The following COX7B2 variants were observed in gnomAD, a reference collection of about 807,000 sequenced individuals.
COX7B2 encodes cytochrome c oxidase subunit 7B2, mitochondrial.
For missense variants in COX7B2, 109 were observed against 95.9 expected (o/e 1.14, Z -0.57); for synonymous variants, 37 against 32.1 (o/e 1.15, Z -0.51).
intron 2 of COX7B2, among the ~76,000 whole-genome samples, chr4:46,781,211 G>T (rs914124461): frequency 6.6e-6 from 1 of 152,150 alleles, no homozygotes. Context: ...AGCTACTACA[G>T]TTCTGCTCTG....
chr4:46,786,297 T>G (rs1172398178), intron 2 of COX7B2, among the ~76,000 whole-genome samples: 1 of 152,226 alleles, frequency 6.6e-6, no homozygotes, highest in Non-Finnish European at 1.5e-5. Context: ...GATACTCATG[T>G]ACCTATGTAG....
chr4:46,835,389 G>GA (rs150742762), intron 2 of COX7B2, among the ~76,000 whole-genome samples: 119 of 147,848 alleles, frequency 8.0e-4, no homozygotes, highest in African/African-American at 2.3e-3. Context: ...TTTAAAATCA[G>GA]AAAAAAAAAA....
intron 2 of COX7B2, among the ~76,000 whole-genome samples, chr4:46,816,049 G>A (rs138688637): frequency 6.6e-6 from 1 of 152,080 alleles, no homozygotes; most frequent in South Asian, 2.1e-4. Flanking sequence ...CTCACCAATG[G>A]TGGCCACTCT....
intron 2 of COX7B2, among the ~76,000 whole-genome samples, chr4:46,740,014 T>C (rs1232744748): frequency 6.6e-6 from 1 of 152,118 alleles, no homozygotes; most frequent in Non-Finnish European, 1.5e-5. Flanking sequence ...AATTCATTTT[T>C]AATTTTTTAT....
At chr4:46,775,545 G>A (rs1411128518) in intron 2 of COX7B2, among the ~76,000 whole-genome samples, 1 of 151,932 alleles carries the variant, frequency 6.6e-6, no homozygotes, top group Admixed American at 6.6e-5. Flanking sequence ...GTCTAATTGG[G>A]TCATACCGCA....
chr4:46,752,910 A>G (rs1445513304), intron 2 of COX7B2, among the ~76,000 whole-genome samples: 2 of 152,160 alleles, frequency 1.3e-5, no homozygotes, highest in African/African-American at 4.8e-5. Flanking sequence ...AGGCTTTGGT[A>G]TCAGGATGAT....
At chr4:46,782,558 G>C (rs953518278) in intron 2 of COX7B2, among the ~76,000 whole-genome samples, 3 of 152,178 alleles carry the variant, frequency 2.0e-5, no homozygotes, top group Non-Finnish European at 2.9e-5. Context: ...CTGCCCAAGC[G>C]AGCAGCAGCA....
chr4:46,802,641 T>TCAA (rs1718718692), intron 2 of COX7B2, among the ~76,000 whole-genome samples: 1 of 152,172 alleles, frequency 6.6e-6, no homozygotes. Context: ...GAGGGGTACC[T>TCAA]AGTTTGAATC....
chr4:46,795,069 G>C (rs1718253316), intron 2 of COX7B2, among the ~76,000 whole-genome samples: 1 of 138,560 alleles, frequency 7.2e-6, no homozygotes, highest in Non-Finnish European at 1.5e-5. Context: ...TTGTAAATTT[G>C]TTTGAGTTCA....
At chr4:46,765,463 C>T (rs780479518) in intron 2 of COX7B2, among the ~76,000 whole-genome samples, 19 of 152,234 alleles carry the variant, frequency 1.2e-4, no homozygotes, top group Admixed American at 6.5e-5. Context: ...CTCTGTAGCC[C>T]GAAGATCCAA....
At chr4:46,856,593 A>G (rs553440173) in intron 1 of COX7B2, among the ~76,000 whole-genome samples, 50 of 152,302 alleles carry the variant, frequency 3.3e-4, no homozygotes, top group African/African-American at 1.2e-3. Context: ...AATGACATCA[A>G]AACTTTGGAC....
chr4:46,809,548 C>T (rs1383880558), intron 2 of COX7B2, among the ~76,000 whole-genome samples: 3 of 151,756 alleles, frequency 2.0e-5, no homozygotes, highest in African/African-American at 7.2e-5. Flanking sequence ...TGTTCAGGAA[C>T]ATGTCATTTA....
intron 1 of COX7B2, among the ~76,000 whole-genome samples, chr4:46,870,524 G>A (rs542310637): frequency 6.6e-6 from 1 of 152,088 alleles, no homozygotes; most frequent in African/African-American, 2.4e-5. Context: ...ATCCAAATAC[G>A]AAGAGAGGAA....
At chr4:46,907,163 C>G (rs559834932) in intron 1 of COX7B2, among the ~76,000 whole-genome samples, 2 of 152,264 alleles carry the variant, frequency 1.3e-5, no homozygotes, top group South Asian at 4.1e-4. Context: ...AACAACTAAA[C>G]TCTTAAACTC....
chr4:46,835,472 C>T (rs1022491089), intron 2 of COX7B2, among the ~76,000 whole-genome samples: 7 of 151,792 alleles, frequency 4.6e-5, no homozygotes, highest in Non-Finnish European at 7.4e-5. Flanking sequence ...ATAAGGCAGA[C>T]TGTTCGAGAA....
At chr4:46,817,507 T>C (rs938059051) in intron 2 of COX7B2, among the ~76,000 whole-genome samples, 1 of 152,232 alleles carries the variant, frequency 6.6e-6, no homozygotes, top group Non-Finnish European at 1.5e-5. Flanking sequence ...TTTACTGTAC[T>C]CTTTTCTCTA....
intron 1 of COX7B2, among the ~76,000 whole-genome samples, chr4:46,902,667 T>C (rs1424455000): frequency 6.6e-6 from 1 of 152,164 alleles, no homozygotes; most frequent in African/African-American, 2.4e-5. Flanking sequence ...AAATCAAATC[T>C]GTAGTCATTC....
At chr4:46,883,785 A>T (rs545748990) in intron 1 of COX7B2, among the ~76,000 whole-genome samples, 1 of 152,154 alleles carries the variant, frequency 6.6e-6, no homozygotes, top group Non-Finnish European at 1.5e-5. Flanking sequence ...TTAAAAAAAA[A>T]AAAACCTGAA....
chr4:46,845,988 A>T lies in COX7B2; in HGVS notation c.-104-974T>A, dbSNP rs114559134. Among the ~76,000 whole-genome samples, 1,175 of 152,164 alleles carry T rather than the reference A, an allele frequency of 7.7e-3. 18 individuals carry two copies. The highest frequency in any genetic ancestry group is 0.027 in the African/African-American group (1,132 of 41,552). Reference sequence around the variant, plus strand: ...GGAAATGGAGATAGACTTTACCCCCATTAGGGCTGGAATGGTAACCAGAGG... The same window carrying T: ...GGAAATGGAGATAGACTTTACCCCCTTTAGGGCTGGAATGGTAACCAGAGG... On this transcript the variant is annotated intron_variant, in intron 1 of 2. Transcript: ENST00000355591.
Sources: gnomAD v4.1 joint callset for allele counts (sites outside exome capture counted in the v4.1 genomes callset) on GRCh38, gnomAD v4.1.1 for gene constraint, MANE v1.5 for transcripts, NCBI Gene and HGNC (gene_info 2026-07-23, HGNC 2026-07-21) for gene names.